The following ACBD6 variants were observed in gnomAD, a reference collection of about 807,000 sequenced individuals.
The protein encoded by ACBD6 is acyl-CoA binding domain containing 6.
Under a neutral mutation model 37.2 loss-of-function variants are expected in ACBD6, and 28 were observed. That is an observed-to-expected ratio of 0.75 (90% CI 0.56 to 1.03). ACBD6 has a LOEUF of 1.03. ACBD6 is among the 50% of genes least tolerant of loss of function. The pLI, the probability that ACBD6 is intolerant of heterozygous loss-of-function variation, is 0.00. For synonymous variants in ACBD6, 113 were observed against 126.8 expected (o/e 0.89, Z 0.73); for missense variants, 340 against 337.4 (o/e 1.01, Z -0.06).
intron 3 of ACBD6, among the ~76,000 whole-genome samples, chr1:180,471,331 G>C (rs1650557094): frequency 1.3e-5 from 2 of 151,762 alleles, no homozygotes; most frequent in Non-Finnish European, 2.9e-5. Flanking sequence ...AGACTGGAGA[G>C]GTCAAGGCTG....
chr1:180,490,899 G>A (rs755228291), intron 3 of ACBD6, among the ~76,000 whole-genome samples: 1 of 147,376 alleles, frequency 6.8e-6, no homozygotes, highest in African/African-American at 2.5e-5. Flanking sequence ...TGGAGGTTAC[G>A]TTGAGCCAAG....
intron 1 of ACBD6, among the ~76,000 whole-genome samples, chr1:180,497,364 A>AG (rs1221296482): frequency 1.3e-5 from 2 of 152,154 alleles, no homozygotes; most frequent in African/African-American, 4.8e-5. Flanking sequence ...TAAAAAGAAA[A>AG]GGAGCTTGTC....
chr1:180,454,106 G>A (rs559178829), intron 3 of ACBD6, among the ~76,000 whole-genome samples: 89 of 152,150 alleles, frequency 5.8e-4, no homozygotes, highest in Non-Finnish European at 9.9e-4. Flanking sequence ...GAGGCATCAC[G>A]CTACCTGACT....
Position 180,324,131 on chromosome 1 carries a change from G to A in ACBD6, c.664-9409C>T, listed in dbSNP as rs1364946233. Among the ~76,000 whole-genome samples, 2 of 446 alleles carry A rather than the reference G, an allele frequency of 4.5e-3. 1 individual carries two copies. Among genetic ancestry groups the A allele is most frequent in the Non-Finnish European group, 7.4e-3 (2 of 270 alleles). The allele number at this position is 446 out of a possible 152,430, so 0.3% of individuals were successfully genotyped here. On this transcript the variant is annotated intron_variant, in intron 6 of 7. Transcript: ENST00000367595. The stretch of plus-strand genomic sequence containing the variant: ...CCTGACCTCATGATCCACCCGCCTC[G>A]GCCTCCCAAAGTGCTGGGATTACAG...
At chr1:180,431,838 T>C (rs1210717767) in intron 3 of ACBD6, among the ~76,000 whole-genome samples, 1 of 152,020 alleles carries the variant, frequency 6.6e-6, no homozygotes, top group African/African-American at 2.4e-5. Flanking sequence ...GAATGACTCC[T>C]AGAAGGTAAC....
At chr1:180,442,315 C>T (rs1649314001) in intron 3 of ACBD6, among the ~76,000 whole-genome samples, 2 of 151,980 alleles carry the variant, frequency 1.3e-5, no homozygotes, top group African/African-American at 4.8e-5. Context: ...CCTCTCCATC[C>T]ACAGATATTT....
chr1:180,289,118 A>T (rs1649606401), intron 7 of ACBD6, among the ~76,000 whole-genome samples: 1 of 151,830 alleles, frequency 6.6e-6, no homozygotes, highest in South Asian at 2.1e-4. Context: ...GGGCGTAGAG[A>T]TATCAAGACT....
intron 4 of ACBD6, among the ~76,000 whole-genome samples, chr1:180,429,945 C>T (rs1344364382): frequency 6.6e-6 from 1 of 152,048 alleles, no homozygotes; most frequent in Non-Finnish European, 1.5e-5. Flanking sequence ...CTGGTTCAGA[C>T]ATTTAATTGA....
chr1:180,344,590 A>C (rs2101884544), intron 6 of ACBD6, among the ~76,000 whole-genome samples: 2 of 152,354 alleles, frequency 1.3e-5, no homozygotes. Flanking sequence ...CACTGCAGTA[A>C]AGAAAAAGGA....
intron 6 of ACBD6, among the ~76,000 whole-genome samples, chr1:180,378,723 C>T (rs773071284): frequency 5.9e-5 from 9 of 152,190 alleles, no homozygotes; most frequent in Non-Finnish European, 1.2e-4. Context: ...CTGAGCACTC[C>T]CTGCTGGGGT....
At chr1:180,343,477 G>C (rs1249569088) in intron 6 of ACBD6, among the ~76,000 whole-genome samples, 4 of 152,094 alleles carry the variant, frequency 2.6e-5, no homozygotes, top group Non-Finnish European at 5.9e-5. Flanking sequence ...CATTTGGCCT[G>C]TTTTTCTCTG....
At chr1:180,349,412 C>T (rs1652319250) in intron 6 of ACBD6, among the ~76,000 whole-genome samples, 3 of 151,468 alleles carry the variant, frequency 2.0e-5, no homozygotes. Context: ...CCCGCCACCA[C>T]GCCTGGCTAA....
At chr1:180,482,678 CAA>C (rs1369225922) in intron 3 of ACBD6, among the ~76,000 whole-genome samples, 1 of 151,952 alleles carries the variant, frequency 6.6e-6, no homozygotes, top group African/African-American at 2.4e-5. Context: ...AGGAAGAGGA[CAA>C]AAGAGAAGTG....
chr1:180,340,121 T>A (rs1651920002), intron 6 of ACBD6, among the ~76,000 whole-genome samples: 1 of 151,946 alleles, frequency 6.6e-6, no homozygotes, highest in South Asian at 2.1e-4. Flanking sequence ...GAAGTTAGAT[T>A]AGTAATAGGA....
chr1:180,390,828 C>T (rs1324886753), intron 6 of ACBD6, among the ~76,000 whole-genome samples: 3 of 152,060 alleles, frequency 2.0e-5, no homozygotes, highest in Non-Finnish European at 2.9e-5. Context: ...CAAAAATGAA[C>T]ACACTGATCC....
At position 180,328,240 on chromosome 1, in the gene ACBD6, T is replaced by A. The variant is rs551937120; in HGVS notation, c.664-13518A>T. Among the ~76,000 whole-genome samples, 590 of 148,674 alleles carry A rather than the reference T, an allele frequency of 4.0e-3. 5 individuals are homozygous for A. Among genetic ancestry groups the A allele is most frequent in the African/African-American group, 0.015 (560 of 38,322 alleles). On this transcript the variant is annotated intron_variant, in intron 6 of 7. Coordinates refer to ENST00000367595, the MANE Select transcript of ACBD6 (RefSeq NM_032360.4). ...ATACATACATATATACACACATATA[T>A]GTATATATACATATATATGTATATT...
chr1:180,401,413 A>T (rs10913984), intron 5 of ACBD6, among the ~76,000 whole-genome samples: 73,901 of 151,998 alleles, frequency 0.49, 20,797 homozygotes, highest in South Asian at 0.66. Context: ...TGATTTCCTT[A>T]GTAACTCGTC....
At chr1:180,417,306 T>C (rs1183541213) in intron 4 of ACBD6, among the ~76,000 whole-genome samples, 1 of 152,172 alleles carries the variant, frequency 6.6e-6, no homozygotes, top group African/African-American at 2.4e-5. Context: ...TCAAACACTC[T>C]TCTCCTCGTT....
intron 1 of ACBD6, among the ~76,000 whole-genome samples, chr1:180,497,540 A>T (rs1442829367): frequency 6.6e-6 from 1 of 152,226 alleles, no homozygotes; most frequent in Non-Finnish European, 1.5e-5. Context: ...TATATGGGTT[A>T]TATCTATCGA....
Sources: allele counts gnomAD v4.1 joint callset (sites outside exome capture counted in the v4.1 genomes callset), GRCh38; gene constraint gnomAD v4.1.1; transcripts MANE v1.5; gene names NCBI Gene and HGNC (gene_info 2026-07-23, HGNC 2026-07-21).